Variants in SBNO2 observed in about 807,000 individuals in gnomAD.
SBNO2 encodes protein strawberry notch homolog 2.
A neutral mutation model predicts 146.3 loss-of-function variants in SBNO2; 89 were observed. The ratio of observed to expected loss-of-function variants is 0.61; its 90% confidence interval spans 0.51 to 0.73. The LOEUF (loss-of-function observed/expected upper bound fraction) is 0.73. SBNO2 is among the 30% of genes least tolerant of loss of function. The pLI is 0.00. For missense variants in SBNO2, 2,092 were observed against 2,003.7 expected, an observed-to-expected ratio of 1.04 and a Z score of -0.84; for synonymous variants, 1,147 against 892.6, an observed-to-expected ratio of 1.29 and a Z score of -5.08.
intron 5 of SBNO2, 147 bp from the exon 6 acceptor site, chr19:1,124,169 C>T: frequency 1.3e-6 from 1 of 754,020 alleles, no homozygotes; most frequent in Non-Finnish European, 2.2e-6. Context: ...GTCTTGCTCT[C>T]CTGCTGTTCT....
intron 1 of SBNO2, among the ~76,000 whole-genome samples, chr19:1,160,375 G>A (rs112191572): frequency 1.3e-5 from 2 of 152,208 alleles, no homozygotes; most frequent in African/African-American, 4.8e-5. Flanking sequence ...GGCCTCGGGG[G>A]GTCTGCGGGG....
intron 4 of SBNO2, among the ~76,000 whole-genome samples, chr19:1,146,280 C>A (rs2080189030): frequency 1.3e-5 from 2 of 152,142 alleles, no homozygotes. Flanking sequence ...CAGGGTCCGG[C>A]TGGCTTTGCC....
At position 1,158,104 on chromosome 19, in the gene SBNO2, C is replaced by T. The variant is rs763925695; in HGVS notation, c.-126-3702G>A. Reference sequence around the variant, plus strand: ...TTTCTTCTGAGCCTGCTGAAGTCCCCGTCTTCCTGGCTGGACGCCCCAGGG... The same window carrying T: ...TTTCTTCTGAGCCTGCTGAAGTCCCTGTCTTCCTGGCTGGACGCCCCAGGG... On this transcript the variant is annotated intron_variant, in intron 1 of 31. Transcript: ENST00000361757. The surrounding 1 kb of genome is among the most constrained non-coding windows in gnomAD (Gnocchi z 9.9). 9.2e-5 allele frequency among the ~76,000 whole-genome samples: 14 copies of T among 152,186 alleles called. No individual in the cohort carries two copies. The highest frequency in any genetic ancestry group is 2.1e-4 in the South Asian group (1 of 4,834).
At chr19:1,139,752 G>A (rs2080118019) in intron 4 of SBNO2, among the ~76,000 whole-genome samples, 1 of 151,938 alleles carries the variant, frequency 6.6e-6, no homozygotes, top group South Asian at 2.1e-4. Context: ...CTGAGATCGT[G>A]CCATTGCACT....
In SBNO2 at chr19:1,108,267, C is replaced by T. The variant is rs1193571529; in HGVS notation, c.4054G>A (p.Val1352Met). The T allele has an allele frequency of 2.2e-5, 34 of 1,519,776 alleles. No individual in the cohort carries two copies. The highest frequency in any genetic ancestry group is 2.9e-5 in the Non-Finnish European group (33 of 1,132,062). The allele number at this position is 1,519,776 out of a possible 1,614,324, so 94.1% of individuals were successfully genotyped here. The change falls in exon 32 of 32, where the codon GTG becomes ATG. Residue 1352 changes from valine to methionine, a missense_variant. Transcript: ENST00000361757. ...GGGAAGGGTGGGCTGAACTGGATCA[C>T]GCTCTGCCGCTCGGGACCACCGCCC... ...AAGGGPERQS[V>M]IQFSPPFPGA...
chr19:1,123,434 T>C (rs1231624860), intron 7 of SBNO2, 100 bp downstream of exon 7: 3 of 989,304 alleles, frequency 3.0e-6, no homozygotes, highest in Non-Finnish European at 4.7e-6. Context: ...AAGCTTCACA[T>C]TCCCTCTGTG....
At chr19:1,116,738 C>T in intron 16 of SBNO2, 91 bp downstream of exon 16, 2 of 1,177,334 alleles carry the variant, frequency 1.7e-6, no homozygotes, top group Non-Finnish European at 1.2e-6. Context: ...GCTGCTGGGG[C>T]CAAGGGGCAG....
In SBNO2 at chr19:1,147,361, G is replaced by T; in HGVS notation, c.227C>A (p.Ala76Asp). The T allele has an allele frequency of 2.6e-6, 4 of 1,559,514 alleles. No homozygotes were observed. Among genetic ancestry groups the T allele is most frequent in the Non-Finnish European group, 3.5e-6 (4 of 1,159,158 alleles). Residue 76 changes from alanine to aspartate, a missense_variant, in exon 4 of 32, where the codon GCC becomes GAC. By Grantham distance (126) the Ala-to-Asp change is moderately radical. Coordinates refer to ENST00000361757, the MANE Select transcript of SBNO2 (RefSeq NM_014963.3). ...CAAGCTGGAGGCGGTGGCCACGGGG[G>T]CATAGCTGGTGTCTGGGCAGGGCTG... ...GSQPCPDTSY[A>D]PVATASSLPP...
At chr19:1,134,618 G>T (rs530402089) in intron 4 of SBNO2, among the ~76,000 whole-genome samples, 5 of 152,102 alleles carry the variant, frequency 3.3e-5, no homozygotes, top group Non-Finnish European at 7.3e-5. Flanking sequence ...GACAGGAAAA[G>T]CATTCAGGTT....
rs1040089351 is a variant in SBNO2, at chr19:1,158,739, G to A, written c.-126-4337C>T. Among the ~76,000 whole-genome samples the A allele has an allele frequency of 1.3e-5, 2 of 152,172 alleles. No individual in the cohort carries two copies. The highest frequency in any genetic ancestry group is 6.5e-5 in the Admixed American group (1 of 15,288). On this transcript the variant is annotated intron_variant, in intron 1 of 31. Transcript: ENST00000361757. The surrounding 1 kb of genome is among the most constrained non-coding windows in gnomAD (Gnocchi z 9.9). ...GAGGTTCTCCGGGCAGGCACAAGGC[G>A]CTCCCTGCGTCCCAGGACCTGAAGA...
Position 1,157,614 on chromosome 19 carries a change from C to T in SBNO2, c.-126-3212G>A, listed in dbSNP as rs1462836984. 3.3e-5 allele frequency among the ~76,000 whole-genome samples: 5 copies of T among 152,158 alleles called. No individual in the cohort carries two copies. The East Asian group carries it at 5.8e-4, about 18-fold the overall frequency. On this transcript the variant is annotated intron_variant, in intron 1 of 31. Coordinates refer to ENST00000361757, the MANE Select transcript of SBNO2 (RefSeq NM_014963.3). This position sits in a 1 kb window ranked among gnomAD's most constrained non-coding sequence, Gnocchi z 6.8. ...ACGGTTCCCACCTTGGGAGGGGGCC[C>T]GCGCTTTATCAGCACGCTGACACCC...
chr19:1,111,452 C>T (rs1294900195), intron 24 of SBNO2, 54 bp downstream of exon 24: 2 of 1,242,530 alleles, frequency 1.6e-6, no homozygotes, highest in Admixed American at 4.0e-5. Flanking sequence ...CTCTGGAGCC[C>T]AGTGCTCTGC....
intron 11 of SBNO2, among the ~76,000 whole-genome samples, chr19:1,120,994 C>T (rs567861036): frequency 2.6e-5 from 4 of 151,928 alleles, no homozygotes; most frequent in East Asian, 3.9e-4. Context: ...TGGGTTCAAG[C>T]GATTCTCCTG....
intron 2 of SBNO2, among the ~76,000 whole-genome samples, chr19:1,153,847 T>A (rs1255891288): frequency 6.6e-6 from 1 of 152,196 alleles, no homozygotes; most frequent in African/African-American, 2.4e-5. Context: ...ACATATTTTT[T>A]AAGTAATTCC....
intron 1 of SBNO2, among the ~76,000 whole-genome samples, chr19:1,171,365 C>T (rs376007959): frequency 6.1e-4 from 93 of 151,396 alleles, no homozygotes; most frequent in African/African-American, 2.3e-3. Context: ...GCACACAACA[C>T]ACATGTGCAT....
Position 1,136,473 on chromosome 19 carries a change from G to A in SBNO2, c.280-8708C>T, listed in dbSNP as rs949387729. ...TCCCTCTCTAAGGCTGTCTGTGGGC[G>A]GCTCTGCCGGCCCCTCCTGCACCTG... On this transcript the variant is annotated intron_variant, in intron 4 of 31. Transcript: ENST00000361757. The surrounding 1 kb of genome is among the most constrained non-coding windows in gnomAD (Gnocchi z 4.2). Among the ~76,000 whole-genome samples the A allele has an allele frequency of 2.6e-5, 4 of 152,178 alleles. No individual in the cohort carries two copies. The highest frequency in any genetic ancestry group is 4.8e-5 in the African/African-American group (2 of 41,452).
Position 1,127,694 on chromosome 19 carries a change from G to A in SBNO2, c.351C>T (p.Ile117=), listed in dbSNP as rs752171738. 2.4e-5 allele frequency: 39 copies of A among 1,613,424 alleles called. No homozygotes were observed. In the South Asian group the frequency reaches 2.9e-4, roughly 12 times the overall value. Residue 117 remains isoleucine, a synonymous_variant, in exon 5 of 32, where the codon ATC becomes ATT. Transcript: ENST00000361757. The part of the protein sequence containing the change: ...FSSSVDSLSD[I]VDTPDFLPAD... ...CCGGCAGGAAGTCGGGCGTGTCCACGATGTCCGACAGGGAGTCCACGGACG... is the reference window on the plus strand; with the variant it reads ...CCGGCAGGAAGTCGGGCGTGTCCACAATGTCCGACAGGGAGTCCACGGACG...
Position 1,117,975 on chromosome 19 carries a change from C to T in SBNO2, c.1528-476G>A, listed in dbSNP as rs149381086. On this transcript the variant is annotated intron_variant, in intron 14 of 31. Transcript: ENST00000361757. ...GCTCCATACCCCAAAGTGCTCAGGACGGCCCCACCCCGGAGAGCAACCCGG... is the reference window on the plus strand; with the variant it reads ...GCTCCATACCCCAAAGTGCTCAGGATGGCCCCACCCCGGAGAGCAACCCGG... Among the ~76,000 whole-genome samples, 373 of 152,324 alleles carry T rather than the reference C, an allele frequency of 2.4e-3. 1 individual carries two copies. The highest frequency in any genetic ancestry group is 3.5e-3 in the Non-Finnish European group (241 of 68,020).
chr19:1,109,009 A>AG lies in SBNO2; in HGVS notation c.3426-41dup, dbSNP rs1261535311. ...GGTCGTCTCGGCTCAGGCGGGTCCC[A>AG]GGGGCCCGCAGGCTCCCCAGGTGCC... On this transcript the variant is annotated intron_variant, in intron 30 of 31. Coordinates refer to ENST00000361757, the MANE Select transcript of SBNO2 (RefSeq NM_014963.3). The surrounding 1 kb of genome is among the most constrained non-coding windows in gnomAD (Gnocchi z 4.2). The AG allele has an allele frequency of 8.1e-6, 12 of 1,486,190 alleles. No homozygotes were observed. Among genetic ancestry groups the AG allele is most frequent in the Non-Finnish European group, 9.8e-6 (11 of 1,121,268 alleles). 92.1% of individuals were successfully genotyped at this position (1,486,190 alleles called of 1,614,324 possible).
Sources: allele counts gnomAD v4.1 joint callset (sites outside exome capture counted in the v4.1 genomes callset), GRCh38; gene constraint gnomAD v4.1.1; non-coding constraint Gnocchi (gnomAD v3.1); transcripts MANE v1.5; gene names NCBI Gene and HGNC (gene_info 2026-07-23, HGNC 2026-07-21).